Variants in SLC39A14 observed in about 807,000 individuals in gnomAD.
The protein encoded by SLC39A14 is metal cation symporter ZIP14.
SLC39A14 carries 19 observed loss-of-function variants against 45.5 expected under a neutral mutation model. The observed-to-expected ratio is 0.42, with a 90% CI of 0.29 to 0.61. The LOEUF is 0.61. SLC39A14 is among the 20% of genes least tolerant of loss of function. SLC39A14 has a pLI of 0.22. For missense variants in SLC39A14, 447 were observed against 616.5 expected (o/e 0.73, Z 2.91); for synonymous variants, 264 against 251.3 (o/e 1.05, Z -0.48).
intron 7 of SLC39A14, among the ~76,000 whole-genome samples, 157 bp downstream of exon 7, chr8:22,416,437 T>G (rs1835886329): frequency 6.6e-6 from 1 of 152,126 alleles, no homozygotes; most frequent in Non-Finnish European, 1.5e-5. Flanking sequence ...AATCACCTTT[T>G]TTTTGGAGAC....
At chr8:22,403,166 TG>T (rs1279442472) in intron 1 of SLC39A14, among the ~76,000 whole-genome samples, 2 of 152,170 alleles carry the variant, frequency 1.3e-5, no homozygotes, top group Admixed American at 6.5e-5. Context: ...TTAGTAGAGA[TG>T]GGGTTTCACT....
At chr8:22,399,016 T>C (rs1243238574) in intron 1 of SLC39A14, among the ~76,000 whole-genome samples, 1 of 152,180 alleles carries the variant, frequency 6.6e-6, no homozygotes, top group African/African-American at 2.4e-5. Flanking sequence ...CCAGCCCCTC[T>C]CCAGCAGGAA....
intron 3 of SLC39A14, among the ~76,000 whole-genome samples, chr8:22,409,486 G>A (rs952999640): frequency 3.3e-5 from 5 of 152,064 alleles, no homozygotes; most frequent in Admixed American, 1.3e-4. Context: ...GGGTTCAAGC[G>A]ATTCTCCTGC....
Position 22,397,264 on chromosome 8 carries a change from C to T in SLC39A14, c.-15-7432C>T, listed in dbSNP as rs553421948. On this transcript the variant is annotated intron_variant, in intron 1 of 8. Coordinates refer to ENST00000381237, the MANE Select transcript of SLC39A14 (RefSeq NM_001128431.4). ...CCCGCAGTCCTCAAGAGAAGTAGCCCTTGATTTTTTTTATTCCTTAAGACC... is the reference window on the plus strand; with the variant it reads ...CCCGCAGTCCTCAAGAGAAGTAGCCTTTGATTTTTTTTATTCCTTAAGACC... 1.7e-3 allele frequency among the ~76,000 whole-genome samples: 263 copies of T among 152,262 alleles called. 2 individuals are homozygous for T. The highest frequency in any genetic ancestry group is 5.8e-3 in the African/African-American group (243 of 41,568).
At position 22,400,020 on chromosome 8, in the gene SLC39A14, C is replaced by T. The variant is rs1834763191; in HGVS notation, c.-15-4676C>T. On this transcript the variant is annotated intron_variant, in intron 1 of 8. Transcript: ENST00000381237. ...GCTACCTAGGGCCGTCCCCTCATAG[C>T]ACTGCAGAGCATTGTAAGCCAAGAT... Among the ~76,000 whole-genome samples the T allele has an allele frequency of 2.6e-5, 4 of 152,330 alleles. No individual in the cohort carries two copies. In the East Asian group the frequency reaches 7.7e-4, roughly 29 times the overall value.
At chr8:22,378,250 C>A (rs921659126) in intron 1 of SLC39A14, among the ~76,000 whole-genome samples, 2 of 152,136 alleles carry the variant, frequency 1.3e-5, no homozygotes, top group African/African-American at 4.8e-5. Flanking sequence ...TCAGAGCAGG[C>A]AAGTGTGTTA....
At chr8:22,429,196 C>T (rs572283187) in intron 8 of SLC39A14, among the ~76,000 whole-genome samples, 4 of 152,158 alleles carry the variant, frequency 2.6e-5, no homozygotes, top group African/African-American at 7.2e-5. Context: ...GGCATGAACC[C>T]GGGAGGCAGA....
intron 5 of SLC39A14, 124 bp downstream of exon 5, chr8:22,415,026 A>G (rs1258209034): frequency 7.5e-6 from 9 of 1,197,546 alleles, no homozygotes; most frequent in South Asian, 2.9e-5. Context: ...GTGAAACTCT[A>G]ATTTCTTGAG....
chr8:22,384,048 G>C (rs570527992), intron 1 of SLC39A14, among the ~76,000 whole-genome samples: 1 of 152,218 alleles, frequency 6.6e-6, no homozygotes, highest in South Asian at 2.1e-4. Flanking sequence ...CTAACACCCA[G>C]CAGACGCTCT....
Position 22,416,316 on chromosome 8 carries a change from T to C in SLC39A14, c.1147+36T>C, listed in dbSNP as rs6558053. On this transcript the variant is annotated intron_variant, in intron 7 of 8. Coordinates refer to ENST00000381237, the MANE Select transcript of SLC39A14 (RefSeq NM_001128431.4). ...GTCCCCCGTTCCACTGGTGCTCCCT[T>C]GGGTGGTGGTGTAGGCCCCCTTCCT... The C allele has an allele frequency of 0.034, 54,110 of 1,585,582 alleles. 10,542 individuals are homozygous for C. In the African/African-American group the frequency reaches 0.51, roughly 15 times the overall value.
chr8:22,424,498 A>G (rs1836348879), downstream of SLC39A14, among the ~76,000 whole-genome samples: 1 of 152,142 alleles, frequency 6.6e-6, no homozygotes, highest in Non-Finnish European at 1.5e-5. Flanking sequence ...TTACCTCACT[A>G]CTACGCCATT....
intron 8 of SLC39A14, among the ~76,000 whole-genome samples, chr8:22,428,857 C>T (rs566275655): frequency 2.8e-4 from 43 of 152,304 alleles, no homozygotes; most frequent in African/African-American, 1.0e-3. Context: ...GCCTTGTAAA[C>T]TAGTTTAAAT....
intron 2 of SLC39A14, among the ~76,000 whole-genome samples, chr8:22,405,299 G>T (rs1186368360): frequency 1.3e-5 from 2 of 152,178 alleles, no homozygotes; most frequent in African/African-American, 2.4e-5. Context: ...GATTATCTGA[G>T]GTCAGGGGTT....
chr8:22,377,590 C>T (rs891176509), intron 1 of SLC39A14, among the ~76,000 whole-genome samples: 6 of 152,122 alleles, frequency 3.9e-5, no homozygotes, highest in African/African-American at 9.7e-5. Flanking sequence ...TCAAAAAGTT[C>T]GTTTTATTTT....
intron 1 of SLC39A14, among the ~76,000 whole-genome samples, chr8:22,375,512 G>A (rs545814702): frequency 6.6e-6 from 1 of 150,862 alleles, no homozygotes; most frequent in African/African-American, 2.4e-5. Context: ...TTGAGACGGA[G>A]TCTCACTCTG....
intron 1 of SLC39A14, chr8:22,398,845 G>C (rs963501352): frequency 4.4e-6 from 3 of 685,870 alleles, no homozygotes; most frequent in Non-Finnish European, 3.6e-6. Context: ...GGCAACTTCT[G>C]CGCTTCCATA....
intron 1 of SLC39A14, among the ~76,000 whole-genome samples, chr8:22,375,965 A>G (rs1833193750): frequency 6.6e-6 from 1 of 152,234 alleles, no homozygotes; most frequent in Non-Finnish European, 1.5e-5. Flanking sequence ...ACTGTTAACT[A>G]AACTGCAGGC....
intron 5 of SLC39A14, chr8:22,415,484 C>T (rs548514194): frequency 1.3e-4 from 44 of 349,138 alleles, no homozygotes; most frequent in Admixed American, 1.1e-3. Flanking sequence ...ATATTAGAAA[C>T]GGGGTCTCGC....
At chr8:22,412,976 C>T (rs1460166935) in intron 4 of SLC39A14, among the ~76,000 whole-genome samples, 1 of 152,176 alleles carries the variant, frequency 6.6e-6, no homozygotes, top group Non-Finnish European at 1.5e-5. Context: ...TCAGAACCCA[C>T]AGTTCTCAGT....
Sources: gnomAD v4.1 joint callset for allele counts (sites outside exome capture counted in the v4.1 genomes callset) on GRCh38, gnomAD v4.1.1 for gene constraint, MANE v1.5 for transcripts, NCBI Gene and HGNC (gene_info 2026-07-23, HGNC 2026-07-21) for gene names.